PAPPA2: variants seen among roughly 807,000 people sequenced by gnomAD.
PAPPA2 encodes pappalysin-2.
A neutral mutation model predicts 176.4 loss-of-function variants in PAPPA2; 86 were observed. The ratio of observed to expected loss-of-function variants is 0.49; its 90% CI spans 0.41 to 0.58. The LOEUF (loss-of-function observed/expected upper bound fraction) is 0.58, where lower values mean the gene tolerates loss of function less well. Ranked by LOEUF, PAPPA2 falls within the 20% of genes least tolerant of loss-of-function variation. The pLI, the probability that PAPPA2 is intolerant of heterozygous loss-of-function variation, is 0.00. For synonymous variants in PAPPA2, 809 were observed against 852.2 expected, an observed-to-expected ratio of 0.95 and a Z score of 0.88; for missense variants, 2,073 against 2,256.9, an observed-to-expected ratio of 0.92 and a Z score of 1.65.
intron 3 of PAPPA2, among the ~76,000 whole-genome samples, chr1:176,602,373 G>A (rs1369719164): frequency 6.6e-6 from 1 of 152,138 alleles, no homozygotes; most frequent in Non-Finnish European, 1.5e-5. Flanking sequence ...GGAGTCTGCA[G>A]GTATACAATA....
Position 176,711,885 on chromosome 1 carries a change from C to G in PAPPA2, c.3702C>G (p.Gly1234=), listed in dbSNP as rs750581656. 2 of 1,613,168 alleles carry G rather than the reference C, an allele frequency of 1.2e-6. No homozygotes were observed. The highest frequency in any genetic ancestry group is 1.7e-5 in the Admixed American group (1 of 59,988). The change falls in exon 12 of 23, where the codon GGC becomes GGG. Residue 1234 remains glycine, a synonymous_variant. Transcript: ENST00000367662. ...TACCCAACCACCGTCCCCTAACTGGCTGGTTTCCCTGTGTTGCCAGTGAAA... is the reference window on the plus strand; with the variant it reads ...TACCCAACCACCGTCCCCTAACTGGGTGGTTTCCCTGTGTTGCCAGTGAAA... ...PDLPNHRPLT[G]WFPCVASENE...
chr1:176,556,311 G>T lies in PAPPA2; in HGVS notation c.-12G>T. ...GTTGACTTCTGGTTCTGTAGAAAGA[G>T]CTAGGGGAGGTATGATGTGCTTAAA... On this transcript the variant is annotated 5_prime_UTR_variant, in exon 2 of 23. Coordinates refer to ENST00000367662, the MANE Select transcript of PAPPA2 (RefSeq NM_020318.3). 1 of 1,610,272 alleles carries T rather than the reference G, an allele frequency of 6.2e-7. No homozygotes were observed. The highest frequency in any genetic ancestry group is 1.1e-5 in the South Asian group (1 of 90,444).
intron 1 of PAPPA2, among the ~76,000 whole-genome samples, chr1:176,530,569 T>G (rs1206854103): frequency 6.6e-6 from 1 of 151,926 alleles, no homozygotes; most frequent in East Asian, 1.9e-4. Context: ...GCAATCCATC[T>G]TCAGTAAGTT....
chr1:176,710,202 C>T (rs765238969), intron 11 of PAPPA2, 26 bp downstream of exon 11: 24 of 1,597,196 alleles, frequency 1.5e-5, no homozygotes, highest in East Asian at 8.9e-5. Flanking sequence ...TGAATAGAGT[C>T]GAGCCTGCGC....
At chr1:176,513,742 G>A (rs1558410921) in intron 1 of PAPPA2, among the ~76,000 whole-genome samples, 1 of 152,028 alleles carries the variant, frequency 6.6e-6, no homozygotes, top group South Asian at 2.1e-4. Flanking sequence ...GACTCTAGAA[G>A]CCTCATAATT....
At chr1:176,694,170 A>G (rs1306376959) in intron 6 of PAPPA2, among the ~76,000 whole-genome samples, 2 of 152,188 alleles carry the variant, frequency 1.3e-5, no homozygotes. Context: ...AGCCCCAGCT[A>G]CGCACTTAGC....
At chr1:176,540,828 A>T (rs1345410726) in intron 1 of PAPPA2, among the ~76,000 whole-genome samples, 1 of 152,130 alleles carries the variant, frequency 6.6e-6, no homozygotes, top group East Asian at 1.9e-4. Context: ...TTTTATGGAA[A>T]TCATCTCCCA....
rs565966592 is a variant in PAPPA2, at chr1:176,795,314, C to T, written c.5130+1645C>T. Reference sequence around the variant, plus strand: ...CTTCACCCCCGGTATCTCCTCAATGCGGGATTCATTTCATCTTTTACTCAG... The same window carrying T: ...CTTCACCCCCGGTATCTCCTCAATGTGGGATTCATTTCATCTTTTACTCAG... On this transcript the variant is annotated intron_variant, in intron 20 of 22. Coordinates refer to ENST00000367662, the MANE Select transcript of PAPPA2 (RefSeq NM_020318.3). Among the ~76,000 whole-genome samples, 13 of 152,178 alleles carry T rather than the reference C, an allele frequency of 8.5e-5. No homozygotes were observed. In the South Asian group the frequency reaches 2.3e-3, roughly 27 times the overall value.
At chr1:176,512,207 T>C (rs1648641183) in intron 1 of PAPPA2, among the ~76,000 whole-genome samples, 1 of 107,832 alleles carries the variant, frequency 9.3e-6, no homozygotes, top group Admixed American at 1.2e-4. Context: ...ACATCTTTAC[T>C]AAGACTAAAT....
rs147794643 is a variant in PAPPA2 at position 176,529,338 on chromosome 1, G to A, written c.-916-26069G>A. ...ACTGATCTCTCTGACCTTTATCCAAGTGTTGGAACACATTGCCCTGTGGTT... is the reference window on the plus strand; with the variant it reads ...ACTGATCTCTCTGACCTTTATCCAAATGTTGGAACACATTGCCCTGTGGTT... On this transcript the variant is annotated intron_variant, in intron 1 of 22. Transcript: ENST00000367662. 1.8e-4 allele frequency among the ~76,000 whole-genome samples: 27 copies of A among 152,128 alleles called. No homozygotes were observed. In the East Asian group the frequency reaches 5.0e-3, roughly 28 times the overall value.
chr1:176,717,301 T>G (rs1661421230), intron 12 of PAPPA2, among the ~76,000 whole-genome samples: 1 of 152,130 alleles, frequency 6.6e-6, no homozygotes, highest in Non-Finnish European at 1.5e-5. Flanking sequence ...CCCTAACTGC[T>G]CATTAGCATA....
intron 2 of PAPPA2, among the ~76,000 whole-genome samples, chr1:176,577,477 C>A (rs185078549): frequency 1.0e-3 from 152 of 152,306 alleles, no homozygotes; most frequent in African/African-American, 3.4e-3. Flanking sequence ...TTTTCCCTCT[C>A]TGTGCTCTTA....
At chr1:176,500,550 T>C (rs949728818) in intron 1 of PAPPA2, among the ~76,000 whole-genome samples, 5 of 149,804 alleles carry the variant, frequency 3.3e-5, no homozygotes, top group African/African-American at 9.7e-5. Flanking sequence ...TGTATACATA[T>C]AAAACTAGTT....
At chr1:176,727,806 A>G (rs1220365104) in intron 12 of PAPPA2, among the ~76,000 whole-genome samples, 1 of 152,054 alleles carries the variant, frequency 6.6e-6, no homozygotes, top group Non-Finnish European at 1.5e-5. Flanking sequence ...AGACCATAAA[A>G]CAAGTCTCAA....
chr1:176,844,661 A>G lies in PAPPA2; in HGVS notation c.*2207A>G, dbSNP rs971222187. 5 of 152,192 alleles carry G rather than the reference A, an allele frequency of 3.3e-5. No homozygotes were observed. The highest frequency in any genetic ancestry group is 9.7e-5 in the African/African-American group (4 of 41,448). The allele number at this position is 152,192 out of a possible 1,614,324, so 9.4% of individuals were successfully genotyped here. A position where few individuals can be genotyped will look rare whatever the true frequency, so the allele number is the denominator to read the frequency against. ...TATGCAAAGGACAATGGAAAAGTTT[A>G]GACACTCTATTTTCAAAATTTTATA... On this transcript the variant is annotated 3_prime_UTR_variant, in exon 23 of 23. Coordinates refer to ENST00000367662, the MANE Select transcript of PAPPA2 (RefSeq NM_020318.3).
intron 20 of PAPPA2, 112 bp downstream of exon 20, chr1:176,793,781 A>G: frequency 2.8e-6 from 2 of 702,298 alleles, no homozygotes; most frequent in Non-Finnish European, 4.7e-6. Flanking sequence ...CAAAGCAAAC[A>G]ACCACATGGA....
rs1215886317 is a variant in PAPPA2 at position 176,671,075 on chromosome 1, T to C, written c.2097T>C (p.Ala699=). The C allele has an allele frequency of 6.2e-7, 1 of 1,613,970 alleles. No homozygotes were observed. Among genetic ancestry groups the C allele is most frequent in the East Asian group, 2.2e-5 (1 of 44,860 alleles). ...ASSVREDLAG[A]ATWPWDKDAV... ...CAGTGCGGGAAGACCTTGCAGGTGCTGCCACCTGGCCTTGGGACAAGGACG... is the reference window on the plus strand; with the variant it reads ...CAGTGCGGGAAGACCTTGCAGGTGCCGCCACCTGGCCTTGGGACAAGGACG... The change falls in exon 4 of 23, where the codon GCT becomes GCC. Residue 699 remains alanine (A), a synonymous_variant. Transcript: ENST00000367662.
At chr1:176,664,897 C>T (rs1573216507) in intron 3 of PAPPA2, among the ~76,000 whole-genome samples, 2 of 152,232 alleles carry the variant, frequency 1.3e-5, no homozygotes, top group African/African-American at 2.4e-5. Flanking sequence ...TGTCTGGTCT[C>T]TTGTGTGGCC....
At chr1:176,509,858 AC>A (rs1648481758) in intron 1 of PAPPA2, among the ~76,000 whole-genome samples, 1 of 142,526 alleles carries the variant, frequency 7.0e-6, no homozygotes. Flanking sequence ...AAACAAACAA[AC>A]AAAAAAAAAC....
Sources: gnomAD v4.1 joint callset for allele counts (sites outside exome capture counted in the v4.1 genomes callset) on GRCh38, gnomAD v4.1.1 for gene constraint, MANE v1.5 for transcripts, NCBI Gene and HGNC (gene_info 2026-07-23, HGNC 2026-07-21) for gene names.